Variants in EFCAB8 observed in about 807,000 individuals in gnomAD.
The protein encoded by EFCAB8 is EF-hand calcium binding domain 8.
Under a neutral mutation model 116.3 loss-of-function variants are expected in EFCAB8, and 100 were observed. That is an observed-to-expected ratio of 0.86 (90% CI 0.73 to 1.02). The LOEUF is 1.02. Among genes scored for constraint, EFCAB8 ranks in the 50% least tolerant of loss-of-function variants. The pLI is 0.00. For missense variants in EFCAB8, 1,320 were observed against 1,416.9 expected, an observed-to-expected ratio of 0.93 and a Z score of 1.10; for synonymous variants, 558 against 567.9, an observed-to-expected ratio of 0.98 and a Z score of 0.25.
chr20:32,908,476 C>A (rs1986780318), intron 14 of EFCAB8, 64 bp downstream of exon 14: 1 of 1,247,460 alleles, frequency 8.0e-7, no homozygotes, highest in African/African-American at 1.6e-5. Flanking sequence ...GTCTGAATCC[C>A]ATGGGACACC....
chr20:32,961,120 A>T lies in EFCAB8; in HGVS notation c.3394-16A>T. 1 of 1,550,148 alleles carries T rather than the reference A, an allele frequency of 6.5e-7. No individual in the cohort carries two copies. ...AACTGGTGCCCCATTCCCGCTCCCCACTCTGTTCCCTGCAGATCTCGCCTC... is the reference window on the plus strand; with the variant it reads ...AACTGGTGCCCCATTCCCGCTCCCCTCTCTGTTCCCTGCAGATCTCGCCTC... On this transcript the variant is annotated splice_polypyrimidine_tract_variant and intron_variant, in intron 26 of 26. Coordinates refer to ENST00000400522, the MANE Select transcript of EFCAB8 (RefSeq NM_001143967.2).
intron 11 of EFCAB8, among the ~76,000 whole-genome samples, chr20:32,899,261 C>T (rs886568145): frequency 8.1e-5 from 12 of 148,534 alleles, no homozygotes; most frequent in Non-Finnish European, 1.6e-4. Context: ...AATAATTAGC[C>T]GGGCGTGGTG....
chr20:32,864,979 A>T (rs796908508), intron 2 of EFCAB8, among the ~76,000 whole-genome samples: 7 of 152,300 alleles, frequency 4.6e-5, no homozygotes, highest in African/African-American at 1.7e-4. Context: ...TGTTTTGCAG[A>T]TGAGGAAACC....
chr20:32,929,436 T>A (rs1412339085), intron 20 of EFCAB8, among the ~76,000 whole-genome samples: 2 of 151,636 alleles, frequency 1.3e-5, no homozygotes, highest in African/African-American at 2.4e-5. Flanking sequence ...TCTTTTCTTT[T>A]CTTTCTTTTC....
chr20:32,883,764 C>G (rs1344143654), intron 5 of EFCAB8, among the ~76,000 whole-genome samples: 1 of 152,040 alleles, frequency 6.6e-6, no homozygotes, highest in East Asian at 1.9e-4. Flanking sequence ...AATCTTGGCT[C>G]AGTGCAACCT....
In EFCAB8 at chr20:32,892,309, C is replaced by T. The variant is rs1452450819; in HGVS notation, c.758+12C>T. 5 of 1,550,972 alleles carry T rather than the reference C, an allele frequency of 3.2e-6. No individual in the cohort carries two copies. In the Admixed American group the frequency reaches 9.8e-5, roughly 30 times the overall value. On this transcript the variant is annotated intron_variant, in intron 8 of 26. Transcript: ENST00000400522. ...GTCATGGACTACTGGTGAGTCTCCA[C>T]TGGGTGTTCCTCACATGAACCAGGA...
At chr20:32,958,208 G>A (rs536116289) in intron 23 of EFCAB8, among the ~76,000 whole-genome samples, 6 of 152,164 alleles carry the variant, frequency 3.9e-5, no homozygotes, top group Admixed American at 6.5e-5. Context: ...CCTGAGCTCC[G>A]AGTGTGTCCT....
Position 32,905,759 on chromosome 20 carries a change from C to CAAAAAAAAAAAA in EFCAB8, c.1089-800_1089-789dup, listed in dbSNP as rs571052063. ...TGGGCGACAGAGTGAGACTCCATCTCAAAAAAAAAAAAAAGGACATTCCTT... is the reference window on the plus strand; with the variant it reads ...TGGGCGACAGAGTGAGACTCCATCTCAAAAAAAAAAAAAAAAAAAAAAAAAAGGACATTCCTT... On this transcript the variant is annotated intron_variant, in intron 11 of 26. Coordinates refer to ENST00000400522, the MANE Select transcript of EFCAB8 (RefSeq NM_001143967.2). Among the ~76,000 whole-genome samples, 162 of 71,482 alleles carry CAAAAAAAAAAAA rather than the reference C, an allele frequency of 2.3e-3. 25 individuals are homozygous for CAAAAAAAAAAAA. Among genetic ancestry groups the CAAAAAAAAAAAA allele is most frequent in the African/African-American group, 7.0e-3 (130 of 18,516 alleles). The allele number at this position is 71,482 out of a possible 152,430, so 46.9% of individuals were successfully genotyped here.
chr20:32,906,486 C>T (rs901421412), intron 11 of EFCAB8, 76 bp from the exon 12 acceptor site: 2 of 713,052 alleles, frequency 2.8e-6, no homozygotes, highest in African/African-American at 1.7e-5. Context: ...GCTCCTCCCA[C>T]CCCAGGCTCA....
chr20:32,935,707 T>C (rs950118217), intron 22 of EFCAB8, among the ~76,000 whole-genome samples: 17 of 152,018 alleles, frequency 1.1e-4, no homozygotes, highest in Admixed American at 1.0e-3. Flanking sequence ...GGTTTCTCCA[T>C]GTTGGTCAGG....
chr20:32,905,382 G>A (rs561988744), intron 11 of EFCAB8, among the ~76,000 whole-genome samples: 56 of 152,258 alleles, frequency 3.7e-4, no homozygotes, highest in South Asian at 6.2e-4. Flanking sequence ...AAGAATGGAC[G>A]GTCATGCAGG....
intron 16 of EFCAB8, 121 bp downstream of exon 16, chr20:32,911,828 T>C: frequency 3.0e-6 from 3 of 1,009,492 alleles, no homozygotes; most frequent in Non-Finnish European, 4.5e-6. Context: ...CATAGTCAGG[T>C]GGCCTGGCTT....
At chr20:32,910,561 A>G (rs952178385) in intron 15 of EFCAB8, among the ~76,000 whole-genome samples, 2 of 152,058 alleles carry the variant, frequency 1.3e-5, no homozygotes, top group Non-Finnish European at 2.9e-5. Context: ...TGGGCTGCAC[A>G]AGGCTGGAGC....
chr20:32,940,137 A>G (rs1316502820), intron 22 of EFCAB8, among the ~76,000 whole-genome samples: 2 of 147,558 alleles, frequency 1.4e-5, no homozygotes, highest in Admixed American at 6.7e-5. Context: ...TTGAGAAAGA[A>G]CAGAGTTGAA....
chr20:32,939,798 G>T (rs958339164), intron 22 of EFCAB8, among the ~76,000 whole-genome samples: 5 of 146,700 alleles, frequency 3.4e-5, no homozygotes, highest in African/African-American at 1.3e-4. Context: ...AGATTCAAGC[G>T]ATTCTCCTGC....
intron 1 of EFCAB8, among the ~76,000 whole-genome samples, chr20:32,863,525 A>T (rs930872921): frequency 6.6e-6 from 1 of 152,158 alleles, no homozygotes; most frequent in Non-Finnish European, 1.5e-5. Flanking sequence ...GTGAAACCCC[A>T]TGGCTTCTGC....
chr20:32,863,749 C>T, intron 1 of EFCAB8, 34 bp from the exon 2 acceptor site: 1 of 1,545,678 alleles, frequency 6.5e-7, no homozygotes, highest in Non-Finnish European at 8.7e-7. Flanking sequence ...CTTACAACGA[C>T]TGGAGTTAAG....
At chr20:32,861,150 C>A (rs780299767) in intron 1 of EFCAB8, among the ~76,000 whole-genome samples, 4 of 152,132 alleles carry the variant, frequency 2.6e-5, no homozygotes, top group Non-Finnish European at 5.9e-5. Context: ...CTGATTTGTT[C>A]ATTTCTGTGT....
intron 22 of EFCAB8, among the ~76,000 whole-genome samples, chr20:32,937,163 A>G (rs558846600): frequency 7.2e-5 from 11 of 152,154 alleles, no homozygotes; most frequent in African/African-American, 2.6e-4. Flanking sequence ...TATTTTTAGT[A>G]GAGACAGGGT....
Sources: allele counts gnomAD v4.1 joint callset (sites outside exome capture counted in the v4.1 genomes callset), GRCh38; gene constraint gnomAD v4.1.1; transcripts MANE v1.5; gene names NCBI Gene and HGNC (gene_info 2026-07-23, HGNC 2026-07-21).